Variants in TTC1 observed in about 807,000 individuals in gnomAD.
TTC1 encodes tetratricopeptide repeat protein 1.
TTC1 carries 31 observed loss-of-function variants against 37.6 expected under a neutral mutation model. That is an observed-to-expected ratio of 0.82 (90% CI 0.62 to 1.11). The LOEUF is 1.11. Among genes scored for constraint, TTC1 ranks in the 50% most tolerant of loss-of-function variants. The pLI, the probability that TTC1 is intolerant of heterozygous loss-of-function variation, is 0.00. For missense variants in TTC1, 351 were observed against 339.0 expected, an observed-to-expected ratio of 1.04 and a Z score of -0.28; for synonymous variants, 127 against 122.4, an observed-to-expected ratio of 1.04 and a Z score of -0.25.
At chr5:160,046,977 A>G (rs1427645281) in intron 5 of TTC1, among the ~76,000 whole-genome samples, 1 of 152,136 alleles carries the variant, frequency 6.6e-6, no homozygotes, top group Admixed American at 6.6e-5. Context: ...ACGCCATTAC[A>G]CTCCAGCCTG....
intron 7 of TTC1, among the ~76,000 whole-genome samples, chr5:160,062,767 G>A (rs1308095391): frequency 6.6e-6 from 1 of 151,924 alleles, no homozygotes; most frequent in Non-Finnish European, 1.5e-5. Flanking sequence ...AAGAGCCAAG[G>A]ATTTCCCAGT....
intron 2 of TTC1, among the ~76,000 whole-genome samples, chr5:160,011,697 T>C (rs1756504758): frequency 6.6e-6 from 1 of 152,262 alleles, no homozygotes; most frequent in Admixed American, 6.5e-5. Context: ...CCTTCACTTT[T>C]GGAGACTGAA....
intron 6 of TTC1, 40 bp from the exon 7 acceptor site, chr5:160,051,089 T>G (rs751609886): frequency 1.1e-4 from 177 of 1,541,522 alleles, no homozygotes; most frequent in Non-Finnish European, 1.5e-4. Context: ...TTGGTTTTTT[T>G]TTTTTTTTTA....
At chr5:160,037,919 T>G (rs1757024158) in intron 4 of TTC1, among the ~76,000 whole-genome samples, 1 of 152,160 alleles carries the variant, frequency 6.6e-6, no homozygotes, top group Admixed American at 6.5e-5. Flanking sequence ...TTTCATTTGT[T>G]TGTTTAGATC....
intron 2 of TTC1, among the ~76,000 whole-genome samples, chr5:160,018,932 T>C (rs1028674034): frequency 6.6e-6 from 1 of 152,208 alleles, no homozygotes; most frequent in Non-Finnish European, 1.5e-5. Flanking sequence ...ATTGGCGGGA[T>C]GGAGTGAGAC....
At chr5:160,045,575 T>C (rs1428257603) in intron 5 of TTC1, among the ~76,000 whole-genome samples, 1 of 145,590 alleles carries the variant, frequency 6.9e-6, no homozygotes, top group Non-Finnish European at 1.5e-5. Flanking sequence ...TCTCAATCTC[T>C]CAATTCATAA....
At position 160,010,534 on chromosome 5, in the gene TTC1, G is replaced by T. The variant is rs1484172960; in HGVS notation, c.6G>T (p.Gly2=). M[G]EKSENCGVPE... is the part of the protein sequence containing the mutation. ...CACCTCCCTCACTGGGCAGCATGGG[G>T]GAGAAGTCAGAGAACTGTGGGGTTC... Residue 2 remains glycine (G), a synonymous_variant, in exon 2 of 8, where the codon GGG becomes GGT. Transcript: ENST00000231238. The T allele has an allele frequency of 6.2e-7, 1 of 1,612,120 alleles. No homozygotes were observed. The highest frequency in any genetic ancestry group is 2.2e-5 in the East Asian group (1 of 44,828).
chr5:160,035,255 T>A, intron 3 of TTC1, 55 bp downstream of exon 3: 1 of 1,440,788 alleles, frequency 6.9e-7, no homozygotes, highest in South Asian at 1.4e-5. Flanking sequence ...CATCCTGTTG[T>A]AGAGTCTGTG....
intron 2 of TTC1, among the ~76,000 whole-genome samples, chr5:160,012,107 T>C (rs1756513446): frequency 6.6e-6 from 1 of 152,208 alleles, no homozygotes; most frequent in African/African-American, 2.4e-5. Flanking sequence ...TTAACTACTG[T>C]TCCATAACAT....
At chr5:160,059,971 G>A (rs1408506059) in intron 7 of TTC1, among the ~76,000 whole-genome samples, 1 of 152,184 alleles carries the variant, frequency 6.6e-6, no homozygotes, top group Non-Finnish European at 1.5e-5. Context: ...AGCACAAAAA[G>A]CACAGCACAA....
intron 2 of TTC1, among the ~76,000 whole-genome samples, chr5:160,034,817 A>G (rs1196447378): frequency 6.6e-6 from 1 of 152,192 alleles, no homozygotes; most frequent in African/African-American, 2.4e-5. Context: ...TGGGTATGTT[A>G]TTTAGTTTCA....
At chr5:160,061,161 C>T (rs1408698172) in intron 7 of TTC1, among the ~76,000 whole-genome samples, 2 of 152,242 alleles carry the variant, frequency 1.3e-5, no homozygotes, top group South Asian at 2.1e-4. Flanking sequence ...AGCTCGCCTG[C>T]CTATCTCTGT....
chr5:160,045,727 CT>C (rs1561635151), intron 5 of TTC1, among the ~76,000 whole-genome samples: 4 of 151,720 alleles, frequency 2.6e-5, no homozygotes, highest in African/African-American at 9.7e-5. Flanking sequence ...ACCCAGCTAA[CT>C]TTTTTTATTT....
chr5:160,027,417 GAACTATCGTTGTCA>G (rs1477865669), intron 2 of TTC1, among the ~76,000 whole-genome samples: 34 of 152,100 alleles, frequency 2.2e-4, no homozygotes, highest in African/African-American at 8.0e-4. Flanking sequence ...CCTCCACTTC[GAACTATCGTTGTCA>G]TGTACATTTT....
intron 4 of TTC1, among the ~76,000 whole-genome samples, chr5:160,040,177 A>G (rs1757062520): frequency 6.6e-6 from 1 of 152,234 alleles, no homozygotes; most frequent in South Asian, 2.1e-4. Context: ...GTATTTGTGT[A>G]TCTAAAAAGA....
At chr5:160,027,899 A>G (rs987628523) in intron 2 of TTC1, among the ~76,000 whole-genome samples, 17 of 151,774 alleles carry the variant, frequency 1.1e-4, no homozygotes, top group Non-Finnish European at 1.9e-4. Flanking sequence ...TTCTCTCACC[A>G]CTCTGATACT....
At chr5:160,025,791 A>G (rs561505549) in intron 2 of TTC1, among the ~76,000 whole-genome samples, 13 of 152,194 alleles carry the variant, frequency 8.5e-5, no homozygotes, top group African/African-American at 3.1e-4. Flanking sequence ...TATTTAAAAG[A>G]TAGGGTCTAG....
chr5:160,058,568 GC>G (rs1757609812), intron 7 of TTC1, among the ~76,000 whole-genome samples: 1 of 151,952 alleles, frequency 6.6e-6, no homozygotes, highest in Non-Finnish European at 1.5e-5. Flanking sequence ...CCACCACCAA[GC>G]CCGGCTAATT....
chr5:160,042,932 G>T (rs974187032), intron 4 of TTC1, among the ~76,000 whole-genome samples: 1 of 152,276 alleles, frequency 6.6e-6, no homozygotes, highest in Non-Finnish European at 1.5e-5. Flanking sequence ...TTACCAGGAG[G>T]CCTTCAGATC....
Sources: allele counts gnomAD v4.1 joint callset (sites outside exome capture counted in the v4.1 genomes callset), GRCh38; gene constraint gnomAD v4.1.1; transcripts MANE v1.5; gene names NCBI Gene and HGNC (gene_info 2026-07-23, HGNC 2026-07-21).